Variants in ZBED4 observed in about 807,000 individuals in gnomAD.
ZBED4 encodes the protein zinc finger BED domain-containing protein 4.
ZBED4 carries 4 observed loss-of-function variants against 15.5 expected under a neutral mutation model. That is an observed-to-expected ratio of 0.26 (90% confidence interval 0.13 to 0.59). ZBED4 has a LOEUF of 0.59. Ranked by LOEUF, ZBED4 falls within the 20% of genes least tolerant of loss-of-function variation. The pLI, the probability that ZBED4 is intolerant of heterozygous loss-of-function variation, is 0.90. For synonymous variants in ZBED4, 692 were observed against 608.5 expected (o/e 1.14, Z -2.02); for missense variants, 1,323 against 1,461.8 (o/e 0.91, Z 1.55).
chr22:49,881,718 G>C (rs1186513602), intron 1 of ZBED4, among the ~76,000 whole-genome samples: 1 of 152,088 alleles, frequency 6.6e-6, no homozygotes, highest in Non-Finnish European at 1.5e-5. Flanking sequence ...GTTTTGTAGA[G>C]AACAGGGTCT....
chr22:49,857,327 C>T (rs930089981), intron 1 of ZBED4, among the ~76,000 whole-genome samples: 2 of 152,184 alleles, frequency 1.3e-5, no homozygotes, highest in African/African-American at 2.4e-5. Context: ...GGGTACACGG[C>T]GAGGGTGCTG....
chr22:49,853,289 G>A (rs1252374596), upstream of ZBED4: 1 of 152,582 alleles, frequency 6.6e-6, no homozygotes, highest in Non-Finnish European at 1.5e-5. Context: ...CCGCCGACCC[G>A]GCTTGGGGCT....
chr22:49,858,876 G>A lies in ZBED4; in HGVS notation c.-330+4887G>A, dbSNP rs529627904. ...CTCTTTGCGTTCCGGTGCCCCCGGAGCACCCCCTGTGATCTGGCGGTGGGA... is the reference window on the plus strand; with the variant it reads ...CTCTTTGCGTTCCGGTGCCCCCGGAACACCCCCTGTGATCTGGCGGTGGGA... On this transcript the variant is annotated intron_variant, in intron 1 of 1. Transcript: ENST00000216268. 3.9e-5 allele frequency among the ~76,000 whole-genome samples: 6 copies of A among 152,316 alleles called. No individual in the cohort carries two copies. The South Asian group carries it at 1.0e-3, about 26-fold the overall frequency.
At chr22:49,875,813 A>G (rs889354614) in intron 1 of ZBED4, among the ~76,000 whole-genome samples, 2 of 151,554 alleles carry the variant, frequency 1.3e-5, no homozygotes, top group African/African-American at 4.9e-5. Flanking sequence ...CTGTAGTGAT[A>G]CTCCCTCTCT....
At position 49,888,935 on chromosome 22, in the gene ZBED4, G is replaced by C. The variant is rs938664051; in HGVS notation, c.*1757G>C. 5 of 167,260 alleles carry C rather than the reference G, an allele frequency of 3.0e-5. No individual in the cohort carries two copies. The highest frequency in any genetic ancestry group is 1.2e-4 in the African/African-American group (5 of 41,472). 10.4% of individuals were successfully genotyped at this position (167,260 alleles called of 1,614,324 possible). On this transcript the variant is annotated 3_prime_UTR_variant, in exon 2 of 2. Coordinates refer to ENST00000216268, the MANE Select transcript of ZBED4 (RefSeq NM_014838.3). ...AGGATAGGAGGGAGCCACAGTTCTTGCTTAGCTGTGCTCACGACCAGCTTG... is the reference window on the plus strand; with the variant it reads ...AGGATAGGAGGGAGCCACAGTTCTTCCTTAGCTGTGCTCACGACCAGCTTG...
chr22:49,884,455 G>T lies in ZBED4; in HGVS notation c.793G>T (p.Glu265Ter). 1 of 1,614,222 alleles carries T rather than the reference G, an allele frequency of 6.2e-7. No homozygotes were observed. The highest frequency in any genetic ancestry group is 8.5e-7 in the Non-Finnish European group (1 of 1,180,046). The change falls in exon 2 of 2, where the codon GAA becomes TAA. Residue 265 changes from glutamate to a stop codon, truncating the protein, a stop_gained. Coordinates refer to ENST00000216268, the MANE Select transcript of ZBED4 (RefSeq NM_014838.3). LOFTEE classifies it low-confidence loss of function (END_TRUNC). ...SPHLPALHYD[E>*]PAENLAEKSL... The stretch of plus-strand genomic sequence containing the variant: ...CCACCTCCCTGCTCTCCATTACGAT[G>T]AACCTGCAGAGAACTTAGCGGAGAA...
chr22:49,874,777 G>C (rs1234392837), intron 1 of ZBED4, among the ~76,000 whole-genome samples: 2 of 134,338 alleles, frequency 1.5e-5, no homozygotes, highest in African/African-American at 5.6e-5. Context: ...CTCCCGTCCA[G>C]GTTCAAGCGA....
chr22:49,874,672 CTTTTT>C (rs10636316), intron 1 of ZBED4, among the ~76,000 whole-genome samples: 9 of 37,316 alleles, frequency 2.4e-4, no homozygotes, highest in East Asian at 1.0e-3. Flanking sequence ...CATGCCCAGC[CTTTTT>C]TTTTTTTTTT....
chr22:49,859,186 G>C (rs2060287045), intron 1 of ZBED4, among the ~76,000 whole-genome samples: 1 of 152,060 alleles, frequency 6.6e-6, no homozygotes, highest in Admixed American at 6.5e-5. Context: ...ATTTTTGTCT[G>C]TGTTTCCCTT....
At chr22:49,859,065 G>A (rs2060286631) in intron 1 of ZBED4, among the ~76,000 whole-genome samples, 2 of 152,146 alleles carry the variant, frequency 1.3e-5, no homozygotes, top group African/African-American at 4.8e-5. Context: ...GTGTCTCGGG[G>A]TGTGTGGACG....
rs200511541 is a variant in ZBED4, at chr22:49,885,323, C to T, written c.1661C>T (p.Pro554Leu). The T allele has an allele frequency of 1.9e-5, 30 of 1,591,272 alleles. No individual in the cohort carries two copies. The East Asian group carries it at 6.7e-4, about 36-fold the overall frequency. Residue 554 changes from proline (P) to leucine (L), a missense_variant, in exon 2 of 2, where the codon CCT (proline) becomes CTT (leucine). By Grantham distance (98) the Pro-to-Leu change is moderately conservative (BLOSUM62 -3). Coordinates refer to ENST00000216268, the MANE Select transcript of ZBED4 (RefSeq NM_014838.3). The stretch of plus-strand genomic sequence containing the variant: ...ACAAAAAACAATCAAGTTATGTTTC[C>T]TGTTAATAGCAAAAAGACCTCGAAG... ...VVTKNNQVMF[P>L]VNSKKTSKLW... is the part of the protein sequence containing the mutation.
Position 49,885,627 on chromosome 22 carries a change from CA to C in ZBED4, c.1972del (p.Ile658SerfsTer5). 1.9e-6 allele frequency: 3 copies of C among 1,610,698 alleles called. No individual in the cohort carries two copies. The highest frequency in any genetic ancestry group is 2.5e-6 in the Non-Finnish European group (3 of 1,177,728). ...AGTTTTACGATTCTCACCCAGTTGC[CA>C]AAAAAATCACAAGTCTCATAGCTGA... is the stretch of plus-strand genomic sequence containing the variant. ...EKFYDSHPVA[K>X]KITSLIAEMI... On this transcript the variant is annotated frameshift_variant, in exon 2 of 2. Transcript: ENST00000216268. LOFTEE classifies it high-confidence loss of function.
At chr22:49,860,520 A>G (rs184603667) in intron 1 of ZBED4, among the ~76,000 whole-genome samples, 1 of 152,248 alleles carries the variant, frequency 6.6e-6, no homozygotes, top group East Asian at 1.9e-4. Flanking sequence ...GTCCTTAGTT[A>G]TCTTCCACTT....
intron 1 of ZBED4, among the ~76,000 whole-genome samples, chr22:49,869,578 A>C (rs2060337378): frequency 6.6e-6 from 1 of 152,180 alleles, no homozygotes; most frequent in Admixed American, 6.5e-5. Context: ...AGCTTTGAAG[A>C]TGTCATTCCT....
intron 1 of ZBED4, among the ~76,000 whole-genome samples, chr22:49,870,102 T>C (rs1042235441): frequency 6.6e-5 from 10 of 152,206 alleles, no homozygotes; most frequent in African/African-American, 1.9e-4. Flanking sequence ...CTGTGTTTGT[T>C]CACTTAGGAT....
chr22:49,871,346 T>A (rs1223175225), intron 1 of ZBED4, among the ~76,000 whole-genome samples: 2 of 151,912 alleles, frequency 1.3e-5, no homozygotes, highest in African/African-American at 4.8e-5. Flanking sequence ...ATTAGCTGGG[T>A]GTGGTGGCAC....
At chr22:49,855,960 G>C (rs1163470724) in intron 1 of ZBED4, among the ~76,000 whole-genome samples, 1 of 152,210 alleles carries the variant, frequency 6.6e-6, no homozygotes, top group Non-Finnish European at 1.5e-5. Context: ...CCCCTTAGCG[G>C]TTTGGTTTTG....
At position 49,884,233 on chromosome 22, in the gene ZBED4, C is replaced by G. The variant is rs1162266626; in HGVS notation, c.571C>G (p.Pro191Ala). 1 of 1,601,760 alleles carries G rather than the reference C, an allele frequency of 6.2e-7. No homozygotes were observed. Reference protein sequence around the residue: ...SFPSPSLLLPPQPADAGDLST... With the variant: ...SFPSPSLLLPAQPADAGDLST... ...CCCCTCTCCCTCACTCCTGCTTCCA[C>G]CACAGCCTGCGGACGCGGGTGACCT... is the stretch of plus-strand genomic sequence containing the variant. Residue 191 changes from proline (P) to alanine (A), a missense_variant, in exon 2 of 2, where the codon CCA (proline) becomes GCA (alanine). By Grantham distance (27) the Pro-to-Ala change is conservative. Coordinates refer to ENST00000216268, the MANE Select transcript of ZBED4 (RefSeq NM_014838.3).
chr22:49,877,767 G>A (rs886405942), intron 1 of ZBED4, among the ~76,000 whole-genome samples: 8 of 151,906 alleles, frequency 5.3e-5, no homozygotes, highest in Non-Finnish European at 7.4e-5. Context: ...TCCTGCAGGT[G>A]GCATGGACAC....
Sources: allele counts gnomAD v4.1 joint callset (sites outside exome capture counted in the v4.1 genomes callset), GRCh38; gene constraint gnomAD v4.1.1; transcripts MANE v1.5; gene names NCBI Gene and HGNC (gene_info 2026-07-23, HGNC 2026-07-21).